VTCN1: variants seen among roughly 807,000 people sequenced by gnomAD.
VTCN1 encodes V-set domain containing T cell activation inhibitor 1.
VTCN1 carries 26 observed loss-of-function variants against 26.5 expected under a neutral mutation model. That is an observed-to-expected ratio of 0.98 (90% CI 0.72 to 1.36). The LOEUF is 1.36. VTCN1 is among the 40% of genes most tolerant of loss of function. The probability of loss-of-function intolerance (pLI) is 0.00; values close to 1 mark genes in which losing one functional copy is unlikely to be tolerated. For missense variants in VTCN1, 298 were observed against 337.7 expected (o/e 0.88, Z 0.92); for synonymous variants, 116 against 130.7 (o/e 0.89, Z 0.77).
intron 2 of VTCN1, among the ~76,000 whole-genome samples, chr1:117,168,067 C>A (rs544730075): frequency 6.6e-6 from 1 of 151,546 alleles, no homozygotes; most frequent in Non-Finnish European, 1.5e-5. Context: ...AATATTAGAA[C>A]GAAACAGGCT....
At chr1:117,199,404 C>A (rs1648681673) in intron 1 of VTCN1, among the ~76,000 whole-genome samples, 1 of 152,194 alleles carries the variant, frequency 6.6e-6, no homozygotes, top group Non-Finnish European at 1.5e-5. Flanking sequence ...CTGCTCACTG[C>A]AAACTCTGCC....
At chr1:117,196,542 T>C (rs942104220) in intron 1 of VTCN1, among the ~76,000 whole-genome samples, 6 of 151,930 alleles carry the variant, frequency 3.9e-5, no homozygotes, top group African/African-American at 1.4e-4. Flanking sequence ...TAATCCAATA[T>C]TATTCTTATA....
intron 2 of VTCN1, among the ~76,000 whole-genome samples, chr1:117,164,698 T>C (rs1045156543): frequency 6.6e-6 from 1 of 152,154 alleles, no homozygotes; most frequent in African/African-American, 2.4e-5. Flanking sequence ...AGCGCTGAGA[T>C]TGGAATGGCT....
intron 2 of VTCN1, among the ~76,000 whole-genome samples, chr1:117,165,616 T>C (rs898182008): frequency 1.3e-5 from 2 of 152,116 alleles, no homozygotes; most frequent in Admixed American, 1.3e-4. Context: ...ACATGACTGT[T>C]TCCCCTCGCC....
chr1:117,177,302 G>A (rs569477713), intron 1 of VTCN1, among the ~76,000 whole-genome samples: 1 of 152,160 alleles, frequency 6.6e-6, no homozygotes, highest in Non-Finnish European at 1.5e-5. Context: ...AGCTTAGATT[G>A]TTGTCTACTC....
rs150774216 is a variant in VTCN1, at chr1:117,201,894, G to T, written c.32+8930C>A. Among the ~76,000 whole-genome samples the T allele has an allele frequency of 2.6e-5, 4 of 152,346 alleles. No individual in the cohort carries two copies. The East Asian group carries it at 7.7e-4, about 29-fold the overall frequency. On this transcript the variant is annotated intron_variant, in intron 1 of 5. Transcript: ENST00000369458. ...GGAAGAAAGAAGGAAGAGGCTAGAA[G>T]GCAGTTTCCTTGGATGAGCAGAAGT... is the stretch of plus-strand genomic sequence containing the variant.
chr1:117,173,390 A>AC (rs71096900), intron 1 of VTCN1: 20 of 444,028 alleles, frequency 4.5e-5, no homozygotes, highest in Admixed American at 1.2e-4. Context: ...ACACACACAC[A>AC]ACACCATGTA....
Position 117,159,999 on chromosome 1 carries a change from G to T in VTCN1, c.98-3078C>A, listed in dbSNP as rs1405600620. On this transcript the variant is annotated intron_variant, in intron 2 of 5. Coordinates refer to ENST00000369458, the MANE Select transcript of VTCN1 (RefSeq NM_024626.4). The surrounding 1 kb of genome is among the most constrained non-coding windows in gnomAD (Gnocchi z 4.7). ...CCAGTCAAGGAAGGATCAATCAGCT[G>T]TTCATTGTACACTGGGGGCTGCTGA... is the stretch of plus-strand genomic sequence containing the variant. Among the ~76,000 whole-genome samples the T allele has an allele frequency of 6.6e-6, 1 of 152,194 alleles. No individual in the cohort carries two copies. The highest frequency in any genetic ancestry group is 1.5e-5 in the Non-Finnish European group (1 of 68,036).
chr1:117,183,013 T>G lies in VTCN1; in HGVS notation c.33-12842A>C, dbSNP rs1327746543. Among the ~76,000 whole-genome samples, 1 of 152,138 alleles carries G rather than the reference T, an allele frequency of 6.6e-6. No individual in the cohort carries two copies. Among genetic ancestry groups the G allele is most frequent in the East Asian group, 1.9e-4 (1 of 5,194 alleles). ...CTTCTATACATTCTGATACCATTTT[T>G]TAAAGAAAAAGAATAAGATTAAAAT... On this transcript the variant is annotated intron_variant, in intron 1 of 5. Transcript: ENST00000369458. The surrounding 1 kb of genome is among the most constrained non-coding windows in gnomAD (Gnocchi z 4.1).
At chr1:117,178,338 C>G (rs1445495313) in intron 1 of VTCN1, among the ~76,000 whole-genome samples, 1 of 149,662 alleles carries the variant, frequency 6.7e-6, no homozygotes, top group Non-Finnish European at 1.5e-5. Flanking sequence ...CTCACTGCAA[C>G]CTCCACCTCC....
chr1:117,177,072 C>T (rs1186770806), intron 1 of VTCN1, among the ~76,000 whole-genome samples: 4 of 152,036 alleles, frequency 2.6e-5, no homozygotes, highest in Admixed American at 1.3e-4. Context: ...GCACTCCAGC[C>T]TGGGCAACAG....
chr1:117,197,457 G>C (rs369894526), intron 1 of VTCN1, among the ~76,000 whole-genome samples: 2 of 152,148 alleles, frequency 1.3e-5, no homozygotes, highest in East Asian at 3.8e-4. Context: ...CTAGAACTAA[G>C]TCAAATGGAA....
chr1:117,192,113 A>G (rs1440814167), intron 1 of VTCN1, among the ~76,000 whole-genome samples: 2 of 152,148 alleles, frequency 1.3e-5, no homozygotes, highest in African/African-American at 4.8e-5. Flanking sequence ...ATAAAATAAA[A>G]TCCAAAGACA....
Position 117,175,498 on chromosome 1 carries a change from C to A in VTCN1, c.33-5327G>T, listed in dbSNP as rs2101537745. 6.6e-6 allele frequency among the ~76,000 whole-genome samples: 1 copy of A among 152,256 alleles called. No homozygotes were observed. Among genetic ancestry groups the A allele is most frequent in the East Asian group, 1.9e-4 (1 of 5,178 alleles). ...GTGCAGATGTTCATTCAAAAAAATT[C>A]TTTTTCATAAAATAAAAATAGAACT... On this transcript the variant is annotated intron_variant, in intron 1 of 5. Coordinates refer to ENST00000369458, the MANE Select transcript of VTCN1 (RefSeq NM_024626.4). This position sits in a 1 kb window ranked among gnomAD's most constrained non-coding sequence, Gnocchi z 4.2.
chr1:117,197,607 T>C (rs1323008267), intron 1 of VTCN1, among the ~76,000 whole-genome samples: 2 of 152,192 alleles, frequency 1.3e-5, no homozygotes, highest in African/African-American at 2.4e-5. Flanking sequence ...AGAGGGTATT[T>C]AAGCCCCTGA....
intron 2 of VTCN1, among the ~76,000 whole-genome samples, chr1:117,166,657 A>G (rs1296541814): frequency 6.8e-6 from 1 of 147,430 alleles, no homozygotes; most frequent in Non-Finnish European, 1.5e-5. Context: ...TCTGTCTCAA[A>G]AAAAAAAAAA....
intron 1 of VTCN1, among the ~76,000 whole-genome samples, chr1:117,192,843 C>A (rs1287209927): frequency 6.6e-6 from 1 of 151,900 alleles, no homozygotes; most frequent in Non-Finnish European, 1.5e-5. Context: ...GACAGAAAGA[C>A]AGAAGGAAAG....
intron 1 of VTCN1, among the ~76,000 whole-genome samples, chr1:117,208,796 T>C (rs1011048548): frequency 6.6e-6 from 1 of 152,034 alleles, no homozygotes; most frequent in African/African-American, 2.4e-5. Flanking sequence ...ATGCTGAGAG[T>C]GAGATCTGAA....
intron 1 of VTCN1, among the ~76,000 whole-genome samples, chr1:117,191,111 G>A (rs1443069360): frequency 6.6e-6 from 1 of 152,106 alleles, no homozygotes; most frequent in Non-Finnish European, 1.5e-5. Flanking sequence ...TGGAGCTGAA[G>A]AATGCAATCA....
Sources: allele counts gnomAD v4.1 joint callset (sites outside exome capture counted in the v4.1 genomes callset), GRCh38; gene constraint gnomAD v4.1.1; non-coding constraint Gnocchi (gnomAD v3.1); transcripts MANE v1.5; gene names NCBI Gene and HGNC (gene_info 2026-07-23, HGNC 2026-07-21).